The following PCDHGA3 variants were observed in gnomAD, a reference collection of about 807,000 sequenced individuals.
PCDHGA3 encodes the protein protocadherin gamma subfamily A, 3.
Under a neutral mutation model 58.5 loss-of-function variants are expected in PCDHGA3, and 40 were observed. That is an observed-to-expected ratio of 0.68 (90% CI 0.53 to 0.89). The LOEUF (loss-of-function observed/expected upper bound fraction) is 0.89, where lower values mean the gene tolerates loss of function less well. PCDHGA3 is among the 40% of genes least tolerant of loss of function. PCDHGA3 has a pLI of 0.00. For synonymous variants in PCDHGA3, 530 were observed against 525.7 expected (o/e 1.01, Z -0.11); for missense variants, 1,223 against 1,195.9 (o/e 1.02, Z -0.33).
At chr5:141,501,557 G>A (rs192507373) in intron 2 of PCDHGA3, among the ~76,000 whole-genome samples, 1 of 152,124 alleles carries the variant, frequency 6.6e-6, no homozygotes, top group Non-Finnish European at 1.5e-5. Context: ...CATAGGCCCT[G>A]GAATCATATT....
At chr5:141,365,191 A>C (rs1263019810) in intron 1 of PCDHGA3, 1 of 1,613,908 alleles carries the variant, frequency 6.2e-7, no homozygotes, top group Admixed American at 1.7e-5. Flanking sequence ...AAGAAGAAAA[A>C]ATTTCGGAGA....
rs145936007 is a variant in PCDHGA3, at chr5:141,490,795, C to T, written c.2425-4012C>T. 2.0e-5 allele frequency: 33 copies of T among 1,614,036 alleles called. No homozygotes were observed. Among genetic ancestry groups the T allele is most frequent in the Non-Finnish European group, 2.8e-5 (33 of 1,179,922 alleles). ...CCCAGAGGATGGACGGATCTTTGCC[C>T]AGCGTACCTTTGACTATGAATTGCT... On this transcript the variant is annotated intron_variant, in intron 1 of 3. Coordinates refer to ENST00000253812, the MANE Select transcript of PCDHGA3 (RefSeq NM_018916.4). This position sits in a 1 kb window ranked among gnomAD's most constrained non-coding sequence, Gnocchi z 5.4.
In PCDHGA3 at chr5:141,348,858, T is replaced by C. The variant is rs959514515; in HGVS notation, c.2424+2401T>C. 3.3e-5 allele frequency among the ~76,000 whole-genome samples: 5 copies of C among 152,206 alleles called. No homozygotes were observed. In the East Asian group the frequency reaches 7.7e-4, roughly 24 times the overall value. ...AGTATGGGTGAGCACTGCAAAATAG[T>C]AGAATAAATTGTTGAGTTGGATCTC... On this transcript the variant is annotated intron_variant, in intron 1 of 3. Coordinates refer to ENST00000253812, the MANE Select transcript of PCDHGA3 (RefSeq NM_018916.4).
intron 1 of PCDHGA3, chr5:141,352,027 G>T (rs764316289): frequency 1.2e-6 from 2 of 1,609,130 alleles, no homozygotes; most frequent in Non-Finnish European, 8.5e-7. Context: ...AGGTGGTGGC[G>T]GTGGACGCAG....
At chr5:141,371,443 C>T in intron 1 of PCDHGA3, 1 of 1,613,978 alleles carries the variant, frequency 6.2e-7, no homozygotes, top group Non-Finnish European at 8.5e-7. Flanking sequence ...ATAACCCTGG[C>T]TTCTGAATCC....
rs947567666 is a variant in PCDHGA3, at chr5:141,422,270, T to C, written c.2425-72537T>C. ...GATGTGAATGATAACGCTCCAGAAA[T>C]AACTATCACCTCTTCTATTAATTCA... On this transcript the variant is annotated intron_variant, in intron 1 of 3. Transcript: ENST00000253812. 2.6e-6 allele frequency: 4 copies of C among 1,562,452 alleles called. No homozygotes were observed. The East Asian group carries it at 9.0e-5, about 35-fold the overall frequency.
intron 1 of PCDHGA3, chr5:141,360,675 C>T: frequency 5.0e-6 from 8 of 1,613,980 alleles, no homozygotes; most frequent in Non-Finnish European, 6.8e-6. Flanking sequence ...ACTTTGATCT[C>T]GCTGAGAAAC....
At chr5:141,417,213 G>A (rs1470553702) in intron 1 of PCDHGA3, 2 of 152,108 alleles carry the variant, frequency 1.3e-5, no homozygotes, top group African/African-American at 4.8e-5. Context: ...GGCTAGAATT[G>A]AAGACAAAAA....
chr5:141,422,577 T>G, intron 1 of PCDHGA3: 1 of 1,613,848 alleles, frequency 6.2e-7, no homozygotes, highest in Non-Finnish European at 8.5e-7. Context: ...ACGATAACCC[T>G]CCCGTTTTTC....
intron 1 of PCDHGA3, among the ~76,000 whole-genome samples, chr5:141,450,830 T>A (rs923422605): frequency 3.0e-5 from 3 of 101,548 alleles, no homozygotes; most frequent in African/African-American, 1.3e-4. Context: ...ATTATTATTA[T>A]TTTTTTTTTT....
chr5:141,421,379 AGGACCTGGGGCT>A, intron 1 of PCDHGA3: 1 of 1,614,054 alleles, frequency 6.2e-7, no homozygotes, highest in South Asian at 1.1e-5. Context: ...AATATCTCCA[AGGACCTGGGGCT>A]GGAGCCCCGG....
rs1228771998 is a variant in PCDHGA3 at position 141,477,832 on chromosome 5, A to G, written c.2425-16975A>G. The stretch of plus-strand genomic sequence containing the variant: ...CCCCCCAGGTCCTATATCCTCGGCC[A>G]GGTGGGAGCTCGGTGGAGATGCTGC... On this transcript the variant is annotated intron_variant, in intron 1 of 3. Transcript: ENST00000253812. This position sits in a 1 kb window ranked among gnomAD's most constrained non-coding sequence, Gnocchi z 4.9. 1.2e-6 allele frequency: 2 copies of G among 1,614,166 alleles called. No homozygotes were observed. Among genetic ancestry groups the G allele is most frequent in the South Asian group, 1.1e-5 (1 of 91,086 alleles).
chr5:141,507,368 T>C (rs1446319165), intron 3 of PCDHGA3: 2 of 152,094 alleles, frequency 1.3e-5, no homozygotes, highest in Non-Finnish European at 2.9e-5. Context: ...GGGAGCCCTG[T>C]ACTTTTATTT....
At chr5:141,385,865 G>T (rs1329915375) in intron 1 of PCDHGA3, 1 of 152,944 alleles carries the variant, frequency 6.5e-6, no homozygotes, top group Admixed American at 6.5e-5. Context: ...GTAGTAGAAG[G>T]TTGGATTTAT....
intron 1 of PCDHGA3, among the ~76,000 whole-genome samples, chr5:141,461,054 T>C (rs984461416): frequency 6.6e-6 from 1 of 151,758 alleles, no homozygotes; most frequent in African/African-American, 2.4e-5. Context: ...GGGACTTAGG[T>C]TGGTTTCACA....
Position 141,505,474 on chromosome 5 carries a change from C to T in PCDHGA3, c.2565C>T (p.Ser855=), listed in dbSNP as rs751690779. The stretch of plus-strand genomic sequence containing the variant: ...TGCTGCAAGCCATGATCTTGGCGTC[C>T]GCCAGTGGTAAGTGGTGTCAGTGTG... ...TEMLQAMILA[S]ASEAADGSST... Residue 855 remains serine, a synonymous_variant, in exon 3 of 4, where the codon TCC becomes TCT. Transcript: ENST00000253812. 2.2e-5 allele frequency: 36 copies of T among 1,614,090 alleles called. No individual in the cohort carries two copies. The highest frequency in any genetic ancestry group is 5.3e-5 in the African/African-American group (4 of 74,934).
rs372096658 is a variant in PCDHGA3, at chr5:141,405,073, C to T, written c.2424+58616C>T. On this transcript the variant is annotated intron_variant, in intron 1 of 3. Coordinates refer to ENST00000253812, the MANE Select transcript of PCDHGA3 (RefSeq NM_018916.4). The stretch of plus-strand genomic sequence containing the variant: ...TCGTCTCCTGTGTCTTCCTCACCTT[C>T]GTTATCACGCTGCTGGCCCTCAGGC... The T allele has an allele frequency of 1.1e-5, 17 of 1,613,880 alleles. No individual in the cohort carries two copies. In the East Asian group the frequency reaches 1.3e-4, roughly 13 times the overall value.
chr5:141,385,771 C>A, intron 1 of PCDHGA3: 1 of 163,128 alleles, frequency 6.1e-6, no homozygotes, highest in Non-Finnish European at 1.3e-5. Context: ...CTGATTCTGC[C>A]TCCATGTACC....
intron 1 of PCDHGA3, chr5:141,408,762 A>G (rs369793035): frequency 1.9e-5 from 30 of 1,610,942 alleles, no homozygotes; most frequent in Non-Finnish European, 2.3e-5. Flanking sequence ...GTTAATTCCG[A>G]TGGTGGCAAA....
Sources: gnomAD v4.1 joint callset for allele counts (sites outside exome capture counted in the v4.1 genomes callset) on GRCh38, gnomAD v4.1.1 for gene constraint, Gnocchi (gnomAD v3.1) non-coding constraint, MANE v1.5 for transcripts, NCBI Gene and HGNC (gene_info 2026-07-23, HGNC 2026-07-21) for gene names.